Variants in FBXL17 observed in about 807,000 individuals in gnomAD.
FBXL17 encodes F-box and leucine rich repeat protein 17.
In FBXL17, 22 loss-of-function variants were observed where a neutral mutation model predicts 66.2. The observed-to-expected ratio is 0.33, with a 90% CI of 0.24 to 0.47. FBXL17 has a LOEUF of 0.47. Among genes scored for constraint, FBXL17 ranks in the 20% least tolerant of loss-of-function variants. The pLI is 1.00. For synonymous variants in FBXL17, 474 were observed against 400.5 expected, an observed-to-expected ratio of 1.18 and a Z score of -2.19; for missense variants, 878 against 948.2, an observed-to-expected ratio of 0.93 and a Z score of 0.97.
chr5:108,369,155 A>T (rs1748865138), intron 1 of FBXL17, among the ~76,000 whole-genome samples: 1 of 152,204 alleles, frequency 6.6e-6, no homozygotes, highest in Admixed American at 6.5e-5. Flanking sequence ...GTAAAAATGC[A>T]GGTTCACTGA....
intron 6 of FBXL17, among the ~76,000 whole-genome samples, chr5:108,156,208 T>C (rs556436214): frequency 2.0e-5 from 3 of 152,242 alleles, no homozygotes; most frequent in East Asian, 1.9e-4. Context: ...GGTTCATACA[T>C]ATGATAAGAG....
Position 108,298,664 on chromosome 5 carries a change from G to A in FBXL17, c.1506+49735C>T, listed in dbSNP as rs1758448746. On this transcript the variant is annotated intron_variant, in intron 4 of 8. Transcript: ENST00000542267. ...AAAACACAGTTCATCCTTTGATATA[G>A]TAATATACTATCTTCCTCATACAGA... The A allele has an allele frequency of 2.3e-6, 2 of 853,890 alleles. 1 individual carries two copies. Among genetic ancestry groups the A allele is most frequent in the Middle Eastern group, 1.2e-3 (2 of 1,654 alleles). The allele number at this position is 853,890 out of a possible 1,614,324, so 52.9% of individuals were successfully genotyped here. A position where few individuals can be genotyped will look rare whatever the true frequency, so the allele number is the denominator to read the frequency against.
intron 7 of FBXL17, among the ~76,000 whole-genome samples, chr5:107,946,218 A>AAGTTGTTC (rs1263441852): frequency 1.4e-4 from 18 of 129,992 alleles, no homozygotes; most frequent in Non-Finnish European, 2.9e-4. Context: ...ACGATGCCCA[A>AAGTTGTTC]AGTTGTTCTA....
At chr5:108,321,977 G>A (rs1759641646) in intron 4 of FBXL17, among the ~76,000 whole-genome samples, 2 of 151,748 alleles carry the variant, frequency 1.3e-5, no homozygotes, top group South Asian at 2.1e-4. Context: ...TAAGAGAAAC[G>A]CAAATTAAAA....
At chr5:108,104,124 C>CA (rs1225068539) in intron 6 of FBXL17, among the ~76,000 whole-genome samples, 1 of 152,138 alleles carries the variant, frequency 6.6e-6, no homozygotes, top group African/African-American at 2.4e-5. Flanking sequence ...CAACCTCCAC[C>CA]TCCTGGGTTC....
chr5:108,177,141 T>C (rs753669249), intron 6 of FBXL17, among the ~76,000 whole-genome samples: 2 of 152,182 alleles, frequency 1.3e-5, no homozygotes, highest in Non-Finnish European at 2.9e-5. Context: ...GTAAAAATAA[T>C]TGTGCATCAT....
At chr5:108,366,916 T>C (rs528353822) in intron 2 of FBXL17, among the ~76,000 whole-genome samples, 216 of 152,246 alleles carry the variant, frequency 1.4e-3, no homozygotes, top group African/African-American at 4.9e-3. Flanking sequence ...TGGAGTTGGC[T>C]TGTAGCACCT....
In FBXL17 at chr5:107,859,712, A is replaced by T. The variant is rs1748072443; in HGVS notation, c.*2008T>A. The T allele has an allele frequency of 6.6e-6, 1 of 152,070 alleles. No homozygotes were observed. Among genetic ancestry groups the T allele is most frequent in the Non-Finnish European group, 1.5e-5 (1 of 67,982 alleles). 9.4% of individuals were successfully genotyped at this position (152,070 alleles called of 1,614,324 possible). A position where few individuals can be genotyped will look rare whatever the true frequency, so the allele number is the denominator to read the frequency against. On this transcript the variant is annotated 3_prime_UTR_variant, in exon 9 of 9. Coordinates refer to ENST00000542267, the MANE Select transcript of FBXL17 (RefSeq NM_001163315.3). ...ACTTTGAACTGAAATGGTACCATCTATATCATAGATGGCTCTCCCTTCTTT... is the reference window on the plus strand; with the variant it reads ...ACTTTGAACTGAAATGGTACCATCTTTATCATAGATGGCTCTCCCTTCTTT...
chr5:108,316,246 A>C (rs1759356771), intron 4 of FBXL17, among the ~76,000 whole-genome samples: 1 of 151,574 alleles, frequency 6.6e-6, no homozygotes, highest in Non-Finnish European at 1.5e-5. Context: ...ACAAACTGTT[A>C]TTAAAATACT....
At chr5:108,123,816 A>C (rs552991401) in intron 6 of FBXL17, among the ~76,000 whole-genome samples, 1 of 152,288 alleles carries the variant, frequency 6.6e-6, no homozygotes, top group South Asian at 2.1e-4. Flanking sequence ...ACAAAAACTT[A>C]ACATTCCTAA....
At chr5:107,871,154 T>G (rs1164417608) in intron 8 of FBXL17, among the ~76,000 whole-genome samples, 1 of 148,954 alleles carries the variant, frequency 6.7e-6, no homozygotes, top group African/African-American at 2.5e-5. Context: ...GGCAGGCTCA[T>G]AAATTCAGTC....
At chr5:108,285,348 A>T (rs1757857259) in intron 4 of FBXL17, among the ~76,000 whole-genome samples, 1 of 151,936 alleles carries the variant, frequency 6.6e-6, no homozygotes, top group African/African-American at 2.4e-5. Context: ...AATGGCATCT[A>T]GAATGGTGAA....
intron 7 of FBXL17, among the ~76,000 whole-genome samples, chr5:107,963,583 T>C (rs142733683): frequency 1.3e-5 from 2 of 152,332 alleles, no homozygotes; most frequent in East Asian, 3.9e-4. Context: ...CTTGTTTTAT[T>C]TCCTTTAAAA....
intron 7 of FBXL17, among the ~76,000 whole-genome samples, chr5:108,003,413 T>G (rs1181376405): frequency 6.6e-6 from 1 of 151,934 alleles, no homozygotes; most frequent in Non-Finnish European, 1.5e-5. Flanking sequence ...CACAGTGGGT[T>G]CCCATAGATA....
chr5:108,113,807 T>A (rs1750134756), intron 6 of FBXL17, among the ~76,000 whole-genome samples: 1 of 152,202 alleles, frequency 6.6e-6, no homozygotes. Flanking sequence ...TATATCCGTC[T>A]AATCTGACAT....
chr5:108,037,484 CTT>C (rs1409383940), intron 6 of FBXL17, among the ~76,000 whole-genome samples: 5 of 152,162 alleles, frequency 3.3e-5, no homozygotes, highest in African/African-American at 7.2e-5. Flanking sequence ...TATTAATACT[CTT>C]AACATTTATT....
intron 1 of FBXL17, among the ~76,000 whole-genome samples, chr5:108,369,704 G>A (rs1376426277): frequency 6.6e-6 from 1 of 151,816 alleles, no homozygotes; most frequent in African/African-American, 2.4e-5. Flanking sequence ...TCAGGATGAA[G>A]GCCAATACAA....
At chr5:107,871,822 C>T (rs1288917053) in intron 8 of FBXL17, among the ~76,000 whole-genome samples, 3 of 151,428 alleles carry the variant, frequency 2.0e-5, no homozygotes, top group Non-Finnish European at 2.9e-5. Context: ...GTGGTAAGTG[C>T]AATGTATTTA....
At chr5:108,088,619 TA>T (rs1749062670) in intron 6 of FBXL17, among the ~76,000 whole-genome samples, 1 of 138,244 alleles carries the variant, frequency 7.2e-6, no homozygotes, top group Non-Finnish European at 1.5e-5. Context: ...GAGAATCGCT[TA>T]AACTTGGGAG....
Sources: gnomAD v4.1 joint callset for allele counts (sites outside exome capture counted in the v4.1 genomes callset) on GRCh38, gnomAD v4.1.1 for gene constraint, MANE v1.5 for transcripts, NCBI Gene and HGNC (gene_info 2026-07-23, HGNC 2026-07-21) for gene names.